The following IL6ST variants were observed in gnomAD, a reference collection of about 807,000 sequenced individuals.
IL6ST encodes interleukin 6 cytokine family signal transducer.
IL6ST carries 24 observed loss-of-function variants against 91.3 expected under a neutral mutation model. The observed-to-expected ratio is 0.26, with a 90% CI of 0.19 to 0.37. The LOEUF is 0.37. Ranked by LOEUF, IL6ST falls within the 10% of genes least tolerant of loss-of-function variation. IL6ST has a pLI of 1.00. For synonymous variants in IL6ST, 351 were observed against 373.6 expected, an observed-to-expected ratio of 0.94 and a Z score of 0.70; for missense variants, 914 against 1,078.5, an observed-to-expected ratio of 0.85 and a Z score of 2.14.
At chr5:55,945,530 G>A (rs1197886229) in intron 15 of IL6ST, among the ~76,000 whole-genome samples, 1 of 150,128 alleles carries the variant, frequency 6.7e-6, no homozygotes, top group African/African-American at 2.5e-5. Flanking sequence ...TGAAACTATT[G>A]AACTTATGGA....
At chr5:55,982,650 A>T in intron 2 of IL6ST, 74 bp downstream of exon 2, 1 of 396,890 alleles carries the variant, frequency 2.5e-6, no homozygotes, top group East Asian at 3.6e-5. Flanking sequence ...GAATCAGGTG[A>T]GTAGGGCAGG....
At chr5:55,989,463 T>TA (rs1754190094) in intron 1 of IL6ST, among the ~76,000 whole-genome samples, 1 of 152,194 alleles carries the variant, frequency 6.6e-6, no homozygotes. Context: ...ATTAAGGACC[T>TA]AAATGCAAAA....
intron 11 of IL6ST, among the ~76,000 whole-genome samples, chr5:55,953,259 T>A (rs1434886457): frequency 1.3e-5 from 2 of 152,158 alleles, no homozygotes; most frequent in Non-Finnish European, 2.9e-5. Flanking sequence ...TAAACAGATT[T>A]TACCTTTTCT....
Position 55,935,951 on chromosome 5 carries a change from C to T in IL6ST, c.*5131G>A. 4.5e-6 allele frequency: 1 copy of T among 220,226 alleles called. No homozygotes were observed. Among genetic ancestry groups the T allele is most frequent in the South Asian group, 1.8e-4 (1 of 5,406 alleles). 13.6% of individuals were successfully genotyped at this position (220,226 alleles called of 1,614,324 possible). On this transcript the variant is annotated 3_prime_UTR_variant, in exon 17 of 17. Transcript: ENST00000381298. Reference sequence around the variant, plus strand: ...TAAAGAAATCAGGCTTGAGCCTATACAAGCCATAACCAAATAGAAGATTTT... The same window carrying T: ...TAAAGAAATCAGGCTTGAGCCTATATAAGCCATAACCAAATAGAAGATTTT...
rs775931091 is a variant in IL6ST, at chr5:55,947,590, C to CT, written c.1841-2dup. The CT allele has an allele frequency of 1.5e-5, 8 of 529,516 alleles. No individual in the cohort carries two copies. Among genetic ancestry groups the CT allele is most frequent in the African/African-American group, 8.5e-5 (2 of 23,654 alleles). The allele number at this position is 529,516 out of a possible 1,614,324, so 32.8% of individuals were successfully genotyped here. On this transcript the variant is annotated splice_acceptor_variant, in intron 14 of 16. Transcript: ENST00000381298. LOFTEE classifies it high-confidence loss of function. The stretch of plus-strand genomic sequence containing the variant: ...ACTATGGCTTCAATTTCTCCTTGAG[C>CT]TTAAAAAAAAAAAAAAAAAAAAAAA...
At position 55,952,341 on chromosome 5, in the gene IL6ST, T is replaced by C; in HGVS notation, c.1461A>G (p.Ala487=). 3 of 1,577,528 alleles carry C rather than the reference T, an allele frequency of 1.9e-6. No individual in the cohort carries two copies. The highest frequency in any genetic ancestry group is 2.6e-6 in the Non-Finnish European group (3 of 1,152,474). The change falls in exon 12 of 17, where the codon GCA becomes GCG. Residue 487 remains alanine, a synonymous_variant. Coordinates refer to ENST00000381298, the MANE Select transcript of IL6ST (RefSeq NM_002184.4). ...VHRTYLRGNL[A]ESKCYLITVT... The stretch of plus-strand genomic sequence containing the variant: ...CTGTTATCAAATAGCATTTGCTCTC[T>C]GCTAAGTTCCCTAAAGCAAGAATAG...
chr5:55,979,886 A>G (rs1753540897), intron 2 of IL6ST, among the ~76,000 whole-genome samples: 1 of 152,210 alleles, frequency 6.6e-6, no homozygotes, highest in Admixed American at 6.5e-5. Context: ...TTATGATGGG[A>G]CACTAGTTAA....
At chr5:55,987,395 A>G (rs1244219948) in intron 1 of IL6ST, among the ~76,000 whole-genome samples, 1 of 152,234 alleles carries the variant, frequency 6.6e-6, no homozygotes, top group Admixed American at 6.5e-5. Flanking sequence ...GCTAATTACT[A>G]TATTAACAGA....
At chr5:55,954,080 T>C (rs1329885566) in intron 11 of IL6ST, among the ~76,000 whole-genome samples, 1 of 152,172 alleles carries the variant, frequency 6.6e-6, no homozygotes, top group African/African-American at 2.4e-5. Context: ...GTCAGTAAAC[T>C]AGATAACCAA....
At chr5:55,991,127 T>A (rs1174192356) in intron 1 of IL6ST, among the ~76,000 whole-genome samples, 1 of 152,180 alleles carries the variant, frequency 6.6e-6, no homozygotes, top group Non-Finnish European at 1.5e-5. Context: ...ATTTTCTTAA[T>A]CCAGTCTATC....
intron 1 of IL6ST, among the ~76,000 whole-genome samples, chr5:55,990,184 T>G (rs146871040): frequency 3.3e-4 from 50 of 152,254 alleles, no homozygotes; most frequent in African/African-American, 1.2e-3. Context: ...ATCTATATAC[T>G]ATAGCCATTT....
At chr5:55,964,545 C>T (rs1315352680) in intron 5 of IL6ST, among the ~76,000 whole-genome samples, 2 of 152,146 alleles carry the variant, frequency 1.3e-5, no homozygotes, top group East Asian at 3.9e-4. Context: ...AAATATTGTG[C>T]TTTAAAATTT....
chr5:55,936,513 A>G lies in IL6ST; in HGVS notation c.*4569T>C, dbSNP rs1750542844. The G allele has an allele frequency of 4.7e-6, 1 of 212,546 alleles. No homozygotes were observed. Among genetic ancestry groups the G allele is most frequent in the African/African-American group, 2.3e-5 (1 of 44,158 alleles). 13.2% of individuals were successfully genotyped at this position (212,546 alleles called of 1,614,324 possible). On this transcript the variant is annotated 3_prime_UTR_variant, in exon 17 of 17. Coordinates refer to ENST00000381298, the MANE Select transcript of IL6ST (RefSeq NM_002184.4). ...GTTTTCTTTTAAATCACATTCCATT[A>G]TGTCATTTAAAATGTCACAAAACCC...
intron 15 of IL6ST, among the ~76,000 whole-genome samples, chr5:55,943,505 C>A (rs1242019133): frequency 6.6e-6 from 1 of 152,032 alleles, no homozygotes; most frequent in African/African-American, 2.4e-5. Flanking sequence ...ACAGATAAGG[C>A]ACATAAAGAC....
At chr5:55,944,963 T>G (rs1751148896) in intron 15 of IL6ST, among the ~76,000 whole-genome samples, 1 of 151,590 alleles carries the variant, frequency 6.6e-6, no homozygotes, top group Non-Finnish European at 1.5e-5. Flanking sequence ...CTGGACTATT[T>G]CTGTGTTTAT....
intron 11 of IL6ST, among the ~76,000 whole-genome samples, chr5:55,953,195 AGAAT>A (rs1292052860): frequency 6.6e-6 from 1 of 152,204 alleles, no homozygotes; most frequent in African/African-American, 2.4e-5. Context: ...ACCTTCAATA[AGAAT>A]GTATATTCCT....
chr5:55,950,571 G>GAGA (rs1449929632), intron 14 of IL6ST, among the ~76,000 whole-genome samples: 1 of 148,626 alleles, frequency 6.7e-6, no homozygotes. Flanking sequence ...GCAAAAAAAG[G>GAGA]AGAAGAAGAA....
In IL6ST at chr5:55,938,573, A is replaced by G. The variant is rs976376399; in HGVS notation, c.*2509T>C. 1.5e-5 allele frequency: 3 copies of G among 197,210 alleles called. No homozygotes were observed. Among genetic ancestry groups the G allele is most frequent in the African/African-American group, 6.9e-5 (3 of 43,280 alleles). 12.2% of individuals were successfully genotyped at this position (197,210 alleles called of 1,614,324 possible). On this transcript the variant is annotated 3_prime_UTR_variant, in exon 17 of 17. Transcript: ENST00000381298. ...TCCAGACAAGGTTTTCTGATGTGCT[A>G]TTACTTTAAACACCACTTTTGGACA...
Position 55,937,200 on chromosome 5 carries a change from G to A in IL6ST, c.*3882C>T. ...ACATCTATCACTATCGGCCTTAAAT[G>A]CATCTCATCACACGACCCATCAACT... On this transcript the variant is annotated 3_prime_UTR_variant, in exon 17 of 17. Transcript: ENST00000381298. 1 of 214,700 alleles carries A rather than the reference G, an allele frequency of 4.7e-6. No individual in the cohort carries two copies. The highest frequency in any genetic ancestry group is 2.3e-5 in the African/African-American group (1 of 44,398). The allele number at this position is 214,700 out of a possible 1,614,324, so 13.3% of individuals were successfully genotyped here.
Sources: gnomAD v4.1 joint callset for allele counts (sites outside exome capture counted in the v4.1 genomes callset) on GRCh38, gnomAD v4.1.1 for gene constraint, MANE v1.5 for transcripts, NCBI Gene and HGNC (gene_info 2026-07-23, HGNC 2026-07-21) for gene names.